Variants in NKAIN2 observed in about 807,000 individuals in gnomAD.
NKAIN2 encodes the protein sodium/potassium-transporting ATPase subunit beta-1-interacting protein 2.
Under a neutral mutation model 32.6 loss-of-function variants are expected in NKAIN2, and 14 were observed. The ratio of observed to expected loss-of-function variants is 0.43; its 90% CI spans 0.28 to 0.67. NKAIN2 has a LOEUF of 0.67. NKAIN2 is among the 30% of genes least tolerant of loss of function. The pLI, the probability that NKAIN2 is intolerant of heterozygous loss-of-function variation, is 0.17. For synonymous variants in NKAIN2, 80 were observed against 87.2 expected (o/e 0.92, Z 0.46); for missense variants, 198 against 258.3 (o/e 0.77, Z 1.60).
chr6:123,912,600 T>C (rs1344873553), intron 1 of NKAIN2, among the ~76,000 whole-genome samples: 4 of 152,102 alleles, frequency 2.6e-5, no homozygotes, highest in Non-Finnish European at 4.4e-5. Flanking sequence ...CAGTATCATT[T>C]GCAAATCAGA....
At chr6:123,828,256 T>C (rs1199724884) in intron 1 of NKAIN2, among the ~76,000 whole-genome samples, 1 of 152,184 alleles carries the variant, frequency 6.6e-6, no homozygotes, top group Non-Finnish European at 1.5e-5. Flanking sequence ...CTGTATTACC[T>C]GGTCCAGTCA....
intron 3 of NKAIN2, among the ~76,000 whole-genome samples, chr6:124,615,728 A>G (rs1433036943): frequency 6.6e-6 from 1 of 152,174 alleles, no homozygotes; most frequent in African/African-American, 2.4e-5. Flanking sequence ...GCAATTACAT[A>G]GATATTACAC....
intron 4 of NKAIN2, among the ~76,000 whole-genome samples, chr6:124,774,364 G>A (rs1348593701): frequency 5.9e-5 from 9 of 152,182 alleles, no homozygotes; most frequent in Non-Finnish European, 1.3e-4. Flanking sequence ...GAGTCCACAA[G>A]CTTGGGACTT....
intron 4 of NKAIN2, among the ~76,000 whole-genome samples, chr6:124,740,765 T>A (rs1402521422): frequency 6.6e-6 from 1 of 151,776 alleles, no homozygotes; most frequent in East Asian, 2.0e-4. Context: ...AGGAGCACAG[T>A]AGAGAACAAA....
rs1051369079 is a variant in NKAIN2, at chr6:124,167,437, T to C, written c.55-115568T>C. Among the ~76,000 whole-genome samples, 1,037 of 152,258 alleles carry C rather than the reference T, an allele frequency of 6.8e-3. 10 individuals carry two copies. Among genetic ancestry groups the C allele is most frequent in the African/African-American group, 0.024 (986 of 41,542 alleles). On this transcript the variant is annotated intron_variant, in intron 1 of 6. Transcript: ENST00000368417. ...TTTTGGGCTGAGACAATGGGGTTTT[T>C]TAGATATACAATGATGTCATCTGCA...
chr6:123,913,603 T>C (rs970674628), intron 1 of NKAIN2, among the ~76,000 whole-genome samples: 36 of 152,204 alleles, frequency 2.4e-4, no homozygotes, highest in Admixed American at 1.6e-3. Flanking sequence ...AATGACCCTT[T>C]CAGAAGATGT....
Position 123,928,872 on chromosome 6 carries a change from A to G in NKAIN2, c.54+124618A>G, listed in dbSNP as rs374658343. On this transcript the variant is annotated intron_variant, in intron 1 of 6. Coordinates refer to ENST00000368417, the MANE Select transcript of NKAIN2 (RefSeq NM_001040214.3). ...GAATGAAGCACAAATTTCTATCAAT[A>G]TTATAATGGATAGATTGTGGTGTAT... 2.6e-5 allele frequency among the ~76,000 whole-genome samples: 4 copies of G among 152,206 alleles called. No homozygotes were observed. In the South Asian group the frequency reaches 6.2e-4, roughly 24 times the overall value.
chr6:124,711,726 T>G (rs929408769), intron 4 of NKAIN2, among the ~76,000 whole-genome samples: 1 of 152,036 alleles, frequency 6.6e-6, no homozygotes, highest in African/African-American at 2.4e-5. Context: ...TCTTCTAATT[T>G]TTTTTCAAAG....
intron 3 of NKAIN2, among the ~76,000 whole-genome samples, chr6:124,417,034 A>C (rs1475647394): frequency 2.0e-5 from 3 of 152,248 alleles, no homozygotes; most frequent in Admixed American, 6.5e-5. Flanking sequence ...ATCTTATAAC[A>C]TAATACCAAA....
intron 3 of NKAIN2, among the ~76,000 whole-genome samples, chr6:124,656,133 A>G (rs572520647): frequency 2.6e-5 from 4 of 152,244 alleles, no homozygotes; most frequent in African/African-American, 7.2e-5. Context: ...ATAACATAAA[A>G]AACATTCCTT....
intron 1 of NKAIN2, among the ~76,000 whole-genome samples, chr6:124,069,068 C>A (rs899675139): frequency 2.0e-5 from 3 of 152,130 alleles, no homozygotes; most frequent in African/African-American, 7.2e-5. Context: ...ACAGGGATCA[C>A]TACATTTTGA....
intron 4 of NKAIN2, among the ~76,000 whole-genome samples, chr6:124,738,807 TA>T: frequency 6.6e-6 from 1 of 152,026 alleles, no homozygotes; most frequent in Middle Eastern, 3.4e-3. Context: ...GAGCTCACCA[TA>T]AATGTTACAA....
At chr6:123,876,418 A>T (rs2114307121) in intron 1 of NKAIN2, among the ~76,000 whole-genome samples, 1 of 152,300 alleles carries the variant, frequency 6.6e-6, no homozygotes, top group African/African-American at 2.4e-5. Context: ...GAACAGAACC[A>T]ATAGGATATG....
At chr6:124,487,669 C>G (rs538876241) in intron 3 of NKAIN2, among the ~76,000 whole-genome samples, 1 of 152,054 alleles carries the variant, frequency 6.6e-6, no homozygotes, top group Admixed American at 6.6e-5. Flanking sequence ...CCTTGCCTAT[C>G]GGTGATCATT....
At chr6:124,544,722 T>C (rs1323122200) in intron 3 of NKAIN2, among the ~76,000 whole-genome samples, 2 of 152,092 alleles carry the variant, frequency 1.3e-5, no homozygotes, top group Non-Finnish European at 2.9e-5. Context: ...TTCAACATAA[T>C]AGTTAGACAT....
chr6:124,748,659 A>T (rs1392785658), intron 4 of NKAIN2, among the ~76,000 whole-genome samples: 3 of 151,912 alleles, frequency 2.0e-5, no homozygotes, highest in Admixed American at 2.0e-4. Flanking sequence ...TTTCAACATA[A>T]AGCGCAGATC....
chr6:124,222,197 G>T (rs1417168042), intron 1 of NKAIN2, among the ~76,000 whole-genome samples: 1 of 152,136 alleles, frequency 6.6e-6, no homozygotes, highest in Non-Finnish European at 1.5e-5. Flanking sequence ...GTTAAGGGGT[G>T]AATTTCTTAC....
At chr6:124,520,872 C>G (rs1178650263) in intron 3 of NKAIN2, among the ~76,000 whole-genome samples, 1 of 152,178 alleles carries the variant, frequency 6.6e-6, no homozygotes, top group Admixed American at 6.5e-5. Flanking sequence ...TTCAAACTCT[C>G]AGGAGAAGAT....
At chr6:124,138,470 C>T (rs767876632) in intron 1 of NKAIN2, among the ~76,000 whole-genome samples, 8 of 151,776 alleles carry the variant, frequency 5.3e-5, no homozygotes, top group Non-Finnish European at 8.8e-5. Flanking sequence ...CCATTCGATC[C>T]GGCAATCCCA....
Sources: gnomAD v4.1 joint callset for allele counts (sites outside exome capture counted in the v4.1 genomes callset) on GRCh38, gnomAD v4.1.1 for gene constraint, MANE v1.5 for transcripts, NCBI Gene and HGNC (gene_info 2026-07-23, HGNC 2026-07-21) for gene names.